The following RAPGEF2 variants were observed in gnomAD, a reference collection of about 807,000 sequenced individuals.
RAPGEF2 encodes PDZ domain containing guanine nucleotide exchange factor (GEF) 1.
RAPGEF2 carries 54 observed loss-of-function variants against 186.7 expected under a neutral mutation model. The ratio of observed to expected loss-of-function variants is 0.29; its 90% CI spans 0.23 to 0.36. RAPGEF2 has a LOEUF of 0.36. Among genes scored for constraint, RAPGEF2 ranks in the 10% least tolerant of loss-of-function variants. RAPGEF2 has a pLI of 1.00. For missense variants in RAPGEF2, 1,532 were observed against 2,045.0 expected (o/e 0.75, Z 4.84); for synonymous variants, 712 against 705.9 (o/e 1.01, Z -0.14).
At chr4:159,260,377 G>A (rs1041348046) in intron 7 of RAPGEF2, among the ~76,000 whole-genome samples, 1 of 151,814 alleles carries the variant, frequency 6.6e-6, no homozygotes, top group African/African-American at 2.4e-5. Flanking sequence ...GAGTTATTAC[G>A]AGGAAATCTT....
At chr4:159,357,528 T>C (rs1023078902) in intron 29 of RAPGEF2, among the ~76,000 whole-genome samples, 2 of 152,192 alleles carry the variant, frequency 1.3e-5, no homozygotes, top group African/African-American at 4.8e-5. Flanking sequence ...CAGTTTAACA[T>C]GTTTGATTAC....
At chr4:159,146,890 C>T (rs909793979) in intron 1 of RAPGEF2, among the ~76,000 whole-genome samples, 22 of 152,290 alleles carry the variant, frequency 1.4e-4, no homozygotes, top group African/African-American at 4.8e-4. Flanking sequence ...TCTTTGCAGC[C>T]TTTCTGTACT....
intron 1 of RAPGEF2, among the ~76,000 whole-genome samples, chr4:159,139,455 GAC>G (rs1742078459): frequency 6.6e-6 from 1 of 151,938 alleles, no homozygotes; most frequent in Non-Finnish European, 1.5e-5. Context: ...TATAATGTAA[GAC>G]ACACATTTAA....
chr4:159,141,304 T>C (rs1216050430), intron 1 of RAPGEF2, among the ~76,000 whole-genome samples: 1 of 152,208 alleles, frequency 6.6e-6, no homozygotes, highest in Non-Finnish European at 1.5e-5. Flanking sequence ...AGTCGTTTCA[T>C]ACACATAGTT....
intron 4 of RAPGEF2, among the ~76,000 whole-genome samples, chr4:159,226,393 G>GT (rs1266637305): frequency 6.6e-6 from 1 of 152,118 alleles, no homozygotes; most frequent in African/African-American, 2.4e-5. Context: ...CCACATTTGT[G>GT]TAACTTTATA....
At chr4:159,212,124 C>T (rs1010393948) in intron 4 of RAPGEF2, among the ~76,000 whole-genome samples, 2 of 152,098 alleles carry the variant, frequency 1.3e-5, no homozygotes, top group Non-Finnish European at 2.9e-5. Context: ...CAGGATGGAG[C>T]GTAGTTGTAC....
At position 159,288,305 on chromosome 4, in the gene RAPGEF2, A is replaced by G. The variant is rs577670838; in HGVS notation, c.544-16037A>G. ...CTCACATAATCTGTAGGAAGCCAGT[A>G]CTAAAGTATTGTAGCGATTTGTGAT... On this transcript the variant is annotated intron_variant, in intron 7 of 29. Coordinates refer to ENST00000691494, the MANE Select transcript of RAPGEF2 (RefSeq NM_001394067.2). Among the ~76,000 whole-genome samples, 38 of 152,348 alleles carry G rather than the reference A, an allele frequency of 2.5e-4. No homozygotes were observed. The South Asian group carries it at 7.5e-3, about 30-fold the overall frequency.
chr4:159,127,467 C>A (rs1046512195), intron 1 of RAPGEF2, among the ~76,000 whole-genome samples: 2 of 152,178 alleles, frequency 1.3e-5, no homozygotes, highest in Non-Finnish European at 2.9e-5. Flanking sequence ...CATGTTCCCC[C>A]CTTCATGAAG....
At chr4:159,170,959 C>T (rs1389584484) in intron 1 of RAPGEF2, among the ~76,000 whole-genome samples, 1 of 152,164 alleles carries the variant, frequency 6.6e-6, no homozygotes, top group East Asian at 1.9e-4. Flanking sequence ...AGAGACTCTT[C>T]TTTCCCCCAT....
intron 1 of RAPGEF2, among the ~76,000 whole-genome samples, chr4:159,112,573 C>T (rs1483459153): frequency 6.6e-6 from 1 of 151,866 alleles, no homozygotes; most frequent in East Asian, 1.9e-4. Context: ...AAGAAAGTAT[C>T]CATGAGCCCA....
chr4:159,300,781 A>G (rs1250781702), intron 7 of RAPGEF2, among the ~76,000 whole-genome samples: 1 of 152,184 alleles, frequency 6.6e-6, no homozygotes, highest in Non-Finnish European at 1.5e-5. Flanking sequence ...AAAAGTTTAG[A>G]GTAAGGGATG....
In RAPGEF2 at chr4:159,140,548, C is replaced by G. The variant is rs998375607; in HGVS notation, c.69+36317C>G. 3.9e-5 allele frequency among the ~76,000 whole-genome samples: 6 copies of G among 152,066 alleles called. 1 individual carries two copies. The South Asian group carries it at 1.2e-3, about 32-fold the overall frequency. ...TAAATGTTACAAGTATCAGAGAATT[C>G]AGGATTTGCCATGGGCTGCGAAAAT... On this transcript the variant is annotated intron_variant, in intron 1 of 29. Transcript: ENST00000691494.
intron 19 of RAPGEF2, among the ~76,000 whole-genome samples, chr4:159,340,866 G>A (rs1729375236): frequency 6.6e-6 from 1 of 151,990 alleles, no homozygotes; most frequent in Admixed American, 6.6e-5. Flanking sequence ...TGCCTAAAAG[G>A]AAAAGGGGCT....
intron 9 of RAPGEF2, 61 bp downstream of exon 9, chr4:159,314,829 C>T (rs1054064290): frequency 1.3e-5 from 19 of 1,459,860 alleles, no homozygotes; most frequent in Middle Eastern, 1.8e-4. Context: ...GCAAAATTGT[C>T]TGATGAAATA....
chr4:159,314,665 C>T lies in RAPGEF2; in HGVS notation c.750C>T (p.Asp250=), dbSNP rs760332801. ...PETAVDSEDD[D]DEEDIERASD... is the part of the protein sequence containing the mutation. ...CAGCAGTGGATTCCGAAGACGACGACGATGAAGAAGACATTGAGAGAGCAT... is the reference window on the plus strand; with the variant it reads ...CAGCAGTGGATTCCGAAGACGACGATGATGAAGAAGACATTGAGAGAGCAT... The change falls in exon 9 of 30, where the codon GAC becomes GAT. Residue 250 remains aspartate, a synonymous_variant. Coordinates refer to ENST00000691494, the MANE Select transcript of RAPGEF2 (RefSeq NM_001394067.2). The T allele has an allele frequency of 1.2e-5, 20 of 1,613,670 alleles. No individual in the cohort carries two copies. Among genetic ancestry groups the T allele is most frequent in the African/African-American group, 5.3e-5 (4 of 74,842 alleles).
chr4:159,226,065 T>C (rs1752000959), intron 4 of RAPGEF2, among the ~76,000 whole-genome samples: 1 of 152,202 alleles, frequency 6.6e-6, no homozygotes. Flanking sequence ...TAACCTGATG[T>C]CATAAAGGTT....
At chr4:159,356,823 C>T (rs1732082245) in intron 29 of RAPGEF2, among the ~76,000 whole-genome samples, 1 of 151,994 alleles carries the variant, frequency 6.6e-6, no homozygotes, top group Non-Finnish European at 1.5e-5. Context: ...ACCACTTGAG[C>T]CCGGAAGGCA....
chr4:159,226,125 G>A (rs915998257), intron 4 of RAPGEF2, among the ~76,000 whole-genome samples: 5 of 151,952 alleles, frequency 3.3e-5, no homozygotes, highest in African/African-American at 1.2e-4. Context: ...CCTCCATTTA[G>A]GTCTGACATC....
intron 3 of RAPGEF2, among the ~76,000 whole-genome samples, chr4:159,205,198 A>G (rs1483396878): frequency 6.6e-6 from 1 of 152,136 alleles, no homozygotes; most frequent in Non-Finnish European, 1.5e-5. Flanking sequence ...AACATCCAGG[A>G]TATTTGTTTA....
Sources: gnomAD v4.1 joint callset for allele counts (sites outside exome capture counted in the v4.1 genomes callset) on GRCh38, gnomAD v4.1.1 for gene constraint, MANE v1.5 for transcripts, NCBI Gene and HGNC (gene_info 2026-07-23, HGNC 2026-07-21) for gene names.